GRID2: variants seen among roughly 807,000 people sequenced by gnomAD.
GRID2 encodes the protein glutamate ionotropic receptor delta type subunit 2, also known as glutamate receptor ionotropic, delta-2.
A neutral mutation model predicts 114.8 loss-of-function variants in GRID2; 33 were observed. The observed-to-expected ratio is 0.29, with a 90% confidence interval of 0.22 to 0.38. The LOEUF is 0.38. GRID2 is among the 10% of genes least tolerant of loss of function. GRID2 has a pLI of 1.00. For missense variants in GRID2, 1,184 were observed against 1,257.7 expected (o/e 0.94, Z 0.89); for synonymous variants, 505 against 449.9 (o/e 1.12, Z -1.55).
intron 2 of GRID2, among the ~76,000 whole-genome samples, chr4:92,880,972 G>A (rs1039302436): frequency 6.6e-6 from 1 of 151,984 alleles, no homozygotes; most frequent in Admixed American, 6.6e-5. Context: ...GCACTATCTC[G>A]GCTCACTGAA....
chr4:92,917,019 C>A (rs1029385998), intron 2 of GRID2, among the ~76,000 whole-genome samples: 1 of 152,190 alleles, frequency 6.6e-6, no homozygotes, highest in African/African-American at 2.4e-5. Context: ...TCCTCTCCAG[C>A]ACCTGTTGTT....
chr4:92,900,597 G>A (rs1292018417), intron 2 of GRID2, among the ~76,000 whole-genome samples: 2 of 152,134 alleles, frequency 1.3e-5, no homozygotes, highest in African/African-American at 4.8e-5. Flanking sequence ...TTGGGAGGCC[G>A]AGGCGGGTGA....
At chr4:92,650,567 G>A (rs1351598590) in intron 2 of GRID2, among the ~76,000 whole-genome samples, 6 of 151,632 alleles carry the variant, frequency 4.0e-5, no homozygotes, top group Admixed American at 2.6e-4. Context: ...TCCCTTCTTT[G>A]CCTGTTGATT....
intron 2 of GRID2, among the ~76,000 whole-genome samples, chr4:92,692,927 G>C (rs2149294371): frequency 6.6e-6 from 1 of 151,908 alleles, no homozygotes; most frequent in South Asian, 2.1e-4. Flanking sequence ...GGAGGCTGGG[G>C]CAAGAGAATA....
chr4:92,674,304 CTGTT>C (rs1044470898), intron 2 of GRID2, among the ~76,000 whole-genome samples: 32 of 152,154 alleles, frequency 2.1e-4, no homozygotes, highest in Non-Finnish European at 3.4e-4. Context: ...CTCAAAGTCT[CTGTT>C]TATTTATGTA....
intron 13 of GRID2, among the ~76,000 whole-genome samples, chr4:93,562,692 T>G (rs1289282046): frequency 6.6e-6 from 1 of 152,090 alleles, no homozygotes; most frequent in Non-Finnish European, 1.5e-5. Flanking sequence ...TGTGATCCAT[T>G]ATGAGTTAAA....
intron 2 of GRID2, among the ~76,000 whole-genome samples, chr4:92,766,669 C>T (rs1400666030): frequency 6.6e-6 from 1 of 151,674 alleles, no homozygotes; most frequent in Non-Finnish European, 1.5e-5. Context: ...AAGAATAATG[C>T]ATTGCTAATC....
intron 4 of GRID2, among the ~76,000 whole-genome samples, chr4:93,184,718 C>CA (rs1383500184): frequency 6.6e-6 from 1 of 151,862 alleles, no homozygotes; most frequent in African/African-American, 2.4e-5. Flanking sequence ...CCCATCTCTA[C>CA]AAAAAATACA....
chr4:93,355,975 C>T (rs189236183), intron 8 of GRID2, among the ~76,000 whole-genome samples: 16 of 152,172 alleles, frequency 1.1e-4, no homozygotes, highest in African/African-American at 3.6e-4. Context: ...CCCAGAACAT[C>T]ACAAAGACTG....
intron 1 of GRID2, among the ~76,000 whole-genome samples, chr4:92,556,653 T>A (rs185866105): frequency 6.6e-6 from 1 of 152,242 alleles, no homozygotes; most frequent in East Asian, 1.9e-4. Context: ...GATGTAGTCA[T>A]CTGAAGGCTC....
At chr4:93,293,733 A>G (rs894285011) in intron 8 of GRID2, among the ~76,000 whole-genome samples, 4 of 152,314 alleles carry the variant, frequency 2.6e-5, no homozygotes, top group East Asian at 1.9e-4. Flanking sequence ...GTGTTATTAA[A>G]TGTTCTTTTA....
At chr4:93,576,318 C>G (rs886208490) in intron 13 of GRID2, among the ~76,000 whole-genome samples, 1 of 152,134 alleles carries the variant, frequency 6.6e-6, no homozygotes, top group Non-Finnish European at 1.5e-5. Flanking sequence ...TGGGCAGCAA[C>G]AGTTGTACCC....
At chr4:93,662,398 G>A (rs1222713423) in intron 14 of GRID2, among the ~76,000 whole-genome samples, 1 of 152,108 alleles carries the variant, frequency 6.6e-6, no homozygotes, top group African/African-American at 2.4e-5. Flanking sequence ...GCAAACAATA[G>A]TCTGTTTTAT....
rs563459148 is a variant in GRID2, at chr4:92,608,097, C to T, written c.244+17811C>T. On this transcript the variant is annotated intron_variant, in intron 2 of 15. Coordinates refer to ENST00000282020, the MANE Select transcript of GRID2 (RefSeq NM_001510.4). Reference sequence around the variant, plus strand: ...AGGTATATTCAAAAATAAATCCTTGCGACTGATAGAAAAATGGGAGGTAGG... The same window carrying T: ...AGGTATATTCAAAAATAAATCCTTGTGACTGATAGAAAAATGGGAGGTAGG... Among the ~76,000 whole-genome samples the T allele has an allele frequency of 3.2e-4, 48 of 151,544 alleles. 1 individual carries two copies. The highest frequency in any genetic ancestry group is 5.8e-4 in the Non-Finnish European group (39 of 67,762).
intron 2 of GRID2, among the ~76,000 whole-genome samples, chr4:92,730,527 T>C (rs1579930675): frequency 6.6e-6 from 1 of 152,022 alleles, no homozygotes; most frequent in South Asian, 2.1e-4. Context: ...GTATTTACAA[T>C]ATGATCTCAA....
chr4:92,595,659 C>T (rs1281152985), intron 2 of GRID2, among the ~76,000 whole-genome samples: 8 of 151,946 alleles, frequency 5.3e-5, no homozygotes, highest in Admixed American at 5.3e-4. Flanking sequence ...GCTTATAAAA[C>T]AATAAAACTG....
intron 3 of GRID2, among the ~76,000 whole-genome samples, chr4:93,092,947 G>A (rs1304140414): frequency 6.6e-6 from 1 of 151,984 alleles, no homozygotes; most frequent in Non-Finnish European, 1.5e-5. Flanking sequence ...AGCAGAGTAA[G>A]CATGTCCATT....
chr4:92,513,655 T>C (rs1444494769), intron 1 of GRID2, among the ~76,000 whole-genome samples: 2 of 151,876 alleles, frequency 1.3e-5, no homozygotes, highest in Admixed American at 1.3e-4. Flanking sequence ...CACTAACCTC[T>C]GCTTCACCTA....
At chr4:92,922,332 T>C (rs1159124875) in intron 2 of GRID2, among the ~76,000 whole-genome samples, 3 of 152,138 alleles carry the variant, frequency 2.0e-5, no homozygotes, top group African/African-American at 7.2e-5. Flanking sequence ...GGCTCATGTT[T>C]GGTGCACTGC....
Sources: allele counts gnomAD v4.1 joint callset (sites outside exome capture counted in the v4.1 genomes callset), GRCh38; gene constraint gnomAD v4.1.1; transcripts MANE v1.5; gene names NCBI Gene and HGNC (gene_info 2026-07-23, HGNC 2026-07-21).